The following CCND2 variants were observed in gnomAD, a reference collection of about 807,000 sequenced individuals.
The protein encoded by CCND2 is G1/S-specific cyclin-D2.
Under a neutral mutation model 30.2 loss-of-function variants are expected in CCND2, and 6 were observed. That is an observed-to-expected ratio of 0.20 (90% CI 0.11 to 0.39). The LOEUF (loss-of-function observed/expected upper bound fraction) is 0.39, where lower values mean the gene tolerates loss of function less well. Among genes scored for constraint, CCND2 ranks in the 10% least tolerant of loss-of-function variants. The probability of loss-of-function intolerance (pLI) is 1.00; values close to 1 mark genes in which losing one functional copy is unlikely to be tolerated. For synonymous variants in CCND2, 150 were observed against 153.1 expected, an observed-to-expected ratio of 0.98 and a Z score of 0.15; for missense variants, 235 against 373.4, an observed-to-expected ratio of 0.63 and a Z score of 3.06.
At chr12:4,286,439 G>A (rs1460916052) in intron 3 of CCND2, among the ~76,000 whole-genome samples, 1 of 152,244 alleles carries the variant, frequency 6.6e-6, no homozygotes, top group Non-Finnish European at 1.5e-5. Context: ...CTAACCTGGA[G>A]GAGAGGTGGG....
intron 4 of CCND2, among the ~76,000 whole-genome samples, chr12:4,295,120 C>G (rs2120578811): frequency 6.6e-6 from 1 of 152,346 alleles, no homozygotes. Flanking sequence ...CCCTGCCATG[C>G]TAAACAAAGG....
chr12:4,284,063 C>A (rs961263974), intron 3 of CCND2, among the ~76,000 whole-genome samples: 3 of 152,250 alleles, frequency 2.0e-5, no homozygotes, highest in South Asian at 2.1e-4. Context: ...GGATGCTGGG[C>A]GCCTTTCTCC....
At position 4,285,445 on chromosome 12, in the gene CCND2, T is replaced by C. The variant is rs1591647090; in HGVS notation, c.572-3397T>C. ...CTGAGAAATTTGTACCTGGTTTTTA[T>C]TTGTTAAAATAATATTACGTACAAA... On this transcript the variant is annotated intron_variant, in intron 3 of 4. Coordinates refer to ENST00000261254, the MANE Select transcript of CCND2 (RefSeq NM_001759.4). The surrounding 1 kb of genome is among the most constrained non-coding windows in gnomAD (Gnocchi z 4.1). The C allele has an allele frequency of 1.0e-6, 1 of 984,420 alleles. No homozygotes were observed. The allele number at this position is 984,420 out of a possible 1,614,324, so 61.0% of individuals were successfully genotyped here. A position where few individuals can be genotyped will look rare whatever the true frequency, so the allele number is the denominator to read the frequency against.
At position 4,278,738 on chromosome 12, in the gene CCND2, C is replaced by T. The variant is rs1465738954; in HGVS notation, c.412-22C>T. On this transcript the variant is annotated intron_variant, in intron 2 of 4. Transcript: ENST00000261254. ...CCTGTGGAATTTAGATTCTCCTCTT[C>T]TCTTCCTGCCTTCCCCTCCAGGAGT... The T allele has an allele frequency of 1.9e-6, 3 of 1,612,644 alleles. No homozygotes were observed. In the Admixed American group the frequency reaches 5.0e-5, roughly 27 times the overall value.
Position 4,293,171 on chromosome 12 carries a change from C to T in CCND2, c.720+4181C>T, listed in dbSNP as rs1362172911. Among the ~76,000 whole-genome samples, 1 of 152,190 alleles carries T rather than the reference C, an allele frequency of 6.6e-6. No homozygotes were observed. Among genetic ancestry groups the T allele is most frequent in the Non-Finnish European group, 1.5e-5 (1 of 68,030 alleles). On this transcript the variant is annotated intron_variant, in intron 4 of 4. Coordinates refer to ENST00000261254, the MANE Select transcript of CCND2 (RefSeq NM_001759.4). The surrounding 1 kb of genome is among the most constrained non-coding windows in gnomAD (Gnocchi z 4.9). ...TCTGTGTCAGGGCCTTCCGAGCCTTCTGAGTTTTCCCCAACCTTATCTTAG... is the reference window on the plus strand; with the variant it reads ...TCTGTGTCAGGGCCTTCCGAGCCTTTTGAGTTTTCCCCAACCTTATCTTAG...
Position 4,292,730 on chromosome 12 carries a change from T to G in CCND2, c.720+3740T>G, listed in dbSNP as rs527602533. 3.3e-5 allele frequency among the ~76,000 whole-genome samples: 5 copies of G among 152,278 alleles called. No individual in the cohort carries two copies. The East Asian group carries it at 9.6e-4, about 29-fold the overall frequency. On this transcript the variant is annotated intron_variant, in intron 4 of 4. Transcript: ENST00000261254. ...TTTTCCTTCCAATCGTAAGAGTTGCTAAAAACAGCCAGAGAGGCAGTTTGG... is the reference window on the plus strand; with the variant it reads ...TTTTCCTTCCAATCGTAAGAGTTGCGAAAAACAGCCAGAGAGGCAGTTTGG...
chr12:4,287,354 G>T lies in CCND2; in HGVS notation c.572-1488G>T, dbSNP rs1204846543. Among the ~76,000 whole-genome samples, 1 of 152,176 alleles carries T rather than the reference G, an allele frequency of 6.6e-6. No homozygotes were observed. The highest frequency in any genetic ancestry group is 1.5e-5 in the Non-Finnish European group (1 of 68,028). ...TGCTGTAGAAAGTGTGTTTGTAATA[G>T]AGTGTGTACAGGAGGAAGGGGAAAT... is the stretch of plus-strand genomic sequence containing the variant. On this transcript the variant is annotated intron_variant, in intron 3 of 4. Transcript: ENST00000261254. This position sits in a 1 kb window ranked among gnomAD's most constrained non-coding sequence, Gnocchi z 4.0.
rs1249147728 is a variant in CCND2 at position 4,280,029 on chromosome 12, C to T, written c.571+1110C>T. Among the ~76,000 whole-genome samples the T allele has an allele frequency of 1.3e-5, 2 of 151,456 alleles. 1 individual carries two copies. Among genetic ancestry groups the T allele is most frequent in the East Asian group, 4.0e-4 (2 of 4,946 alleles). On this transcript the variant is annotated intron_variant, in intron 3 of 4. Transcript: ENST00000261254. ...CTCACAGTCAAAAAGTCAGGCTTTG[C>T]TGCATATCAGTGAGTGACCTTTAAT...
chr12:4,294,947 C>A lies in CCND2; in HGVS notation c.721-4913C>A, dbSNP rs557340889. ...TGGCTGCCCTCATCTCTACCCCCAC[C>A]CCAATCCCATGCATTCTCCTGCCCT... On this transcript the variant is annotated intron_variant, in intron 4 of 4. Coordinates refer to ENST00000261254, the MANE Select transcript of CCND2 (RefSeq NM_001759.4). Among the ~76,000 whole-genome samples the A allele has an allele frequency of 3.3e-5, 5 of 152,328 alleles. No homozygotes were observed. The South Asian group carries it at 1.0e-3, about 32-fold the overall frequency.
intron 4 of CCND2, among the ~76,000 whole-genome samples, chr12:4,290,744 T>C (rs1430365610): frequency 1.3e-5 from 2 of 152,240 alleles, no homozygotes; most frequent in Non-Finnish European, 2.9e-5. Context: ...TCCTGGGAGT[T>C]GCTGCTGAGT....
At chr12:4,297,524 T>C (rs959392591) in intron 4 of CCND2, among the ~76,000 whole-genome samples, 1 of 143,040 alleles carries the variant, frequency 7.0e-6, no homozygotes, top group African/African-American at 2.7e-5. Flanking sequence ...TGAGCCAAGA[T>C]TGTGCCATTG....
chr12:4,295,542 C>T (rs1014151741), intron 4 of CCND2, among the ~76,000 whole-genome samples: 3 of 152,154 alleles, frequency 2.0e-5, no homozygotes, highest in Non-Finnish European at 2.9e-5. Flanking sequence ...TTTGGGAGGC[C>T]AAGGCGGGTG....
chr12:4,301,355 T>TG lies in CCND2; in HGVS notation c.*1346_*1347insG. The TG allele has an allele frequency of 1.9e-5, 1 of 52,072 alleles. No homozygotes were observed. The highest frequency in any genetic ancestry group is 4.2e-5 in the Non-Finnish European group (1 of 23,546). The allele number at this position is 52,072 out of a possible 1,614,324, so 3.2% of individuals were successfully genotyped here. A position where few individuals can be genotyped will look rare whatever the true frequency, so the allele number is the denominator to read the frequency against. ...TGTGGCATTTTGTTCCCTTTTCCGT[T>TG]TTTTTTTTTTTATTGTTGTTGTTAA... On this transcript the variant is annotated 3_prime_UTR_variant, in exon 5 of 5. Transcript: ENST00000261254.
In CCND2 at chr12:4,284,744, C is replaced by CTTT. The variant is rs11455398; in HGVS notation, c.572-4088_572-4086dup. On this transcript the variant is annotated intron_variant, in intron 3 of 4. Coordinates refer to ENST00000261254, the MANE Select transcript of CCND2 (RefSeq NM_001759.4). ...TTCTTTTTTTTTTTCTTTTCTTTTT[C>CTTT]TTTTTTTTTTTTGAGACAGTCTTGC... is the stretch of plus-strand genomic sequence containing the variant. Among the ~76,000 whole-genome samples the CTTT allele has an allele frequency of 5.1e-3, 704 of 138,080 alleles. 10 individuals carry two copies. The highest frequency in any genetic ancestry group is 0.018 in the African/African-American group (670 of 36,794). The allele number at this position is 138,080 out of a possible 152,430, so 90.6% of individuals were successfully genotyped here.
In CCND2 at chr12:4,301,944, GT is replaced by G. The variant is rs551472296; in HGVS notation, c.*1947del. The G allele has an allele frequency of 0.012, 2,429 of 195,238 alleles. 6 individuals are homozygous for G. Among genetic ancestry groups the G allele is most frequent in the Middle Eastern group, 0.022 (13 of 588 alleles). The allele number at this position is 195,238 out of a possible 1,614,324, so 12.1% of individuals were successfully genotyped here. Reference sequence around the variant, plus strand: ...TTTTTTTTTCTTTTTTGGTTTTTTGGTTTTTTTTTTTTCCTCTGATCACATT... The same window carrying G: ...TTTTTTTTTCTTTTTTGGTTTTTTGGTTTTTTTTTTTCCTCTGATCACATT... On this transcript the variant is annotated 3_prime_UTR_variant, in exon 5 of 5. Coordinates refer to ENST00000261254, the MANE Select transcript of CCND2 (RefSeq NM_001759.4).
At chr12:4,288,154 A>G (rs1233877873) in intron 3 of CCND2, among the ~76,000 whole-genome samples, 4 of 151,272 alleles carry the variant, frequency 2.6e-5, no homozygotes, top group African/African-American at 9.7e-5. Flanking sequence ...GTTGGGCCAG[A>G]GGTTGGGAAC....
At chr12:4,283,294 G>A (rs1330089782) in intron 3 of CCND2, among the ~76,000 whole-genome samples, 1 of 152,206 alleles carries the variant, frequency 6.6e-6, no homozygotes, top group Non-Finnish European at 1.5e-5. Flanking sequence ...TGCCGGGGCT[G>A]CGGCTGGGAC....
rs1416495044 is a variant in CCND2 at position 4,273,762 on chromosome 12, A to G, written c.-279A>G. 3 of 500,450 alleles carry G rather than the reference A, an allele frequency of 6.0e-6. No homozygotes were observed. Among genetic ancestry groups the G allele is most frequent in the Non-Finnish European group, 7.1e-6 (2 of 283,210 alleles). 31.0% of individuals were successfully genotyped at this position (500,450 alleles called of 1,614,324 possible). On this transcript the variant is annotated 5_prime_UTR_variant, in exon 1 of 5. Coordinates refer to ENST00000261254, the MANE Select transcript of CCND2 (RefSeq NM_001759.4). This position sits in a 1 kb window ranked among gnomAD's most constrained non-coding sequence, Gnocchi z 5.9. ...CCCAGCCAGCTTGCGTCACCGCTTC[A>G]GAGCGGAGAAGAGCGAGCAGGGGAG...
chr12:4,289,114 C>A, intron 4 of CCND2, 124 bp downstream of exon 4: 2 of 863,492 alleles, frequency 2.3e-6, no homozygotes, highest in Non-Finnish European at 3.3e-6. Context: ...GATCGACATC[C>A]AAGGGAGTGC....
Sources: allele counts gnomAD v4.1 joint callset (sites outside exome capture counted in the v4.1 genomes callset), GRCh38; gene constraint gnomAD v4.1.1; non-coding constraint Gnocchi (gnomAD v3.1); transcripts MANE v1.5; gene names NCBI Gene and HGNC (gene_info 2026-07-23, HGNC 2026-07-21).